The following CEP170B variants were observed in gnomAD, a reference collection of about 807,000 sequenced individuals.
CEP170B encodes centrosomal protein 170B, also known as centrosomal protein of 170 kDa protein B.
CEP170B carries 55 observed loss-of-function variants against 120.6 expected under a neutral mutation model. The ratio of observed to expected loss-of-function variants is 0.46; its 90% CI spans 0.37 to 0.57. The LOEUF (loss-of-function observed/expected upper bound fraction) is 0.57. CEP170B is among the 20% of genes least tolerant of loss of function. The probability of loss-of-function intolerance (pLI) is 0.00; values close to 1 mark genes in which losing one functional copy is unlikely to be tolerated. For synonymous variants in CEP170B, 1,033 were observed against 954.5 expected (o/e 1.08, Z -1.52); for missense variants, 2,212 against 2,253.3 (o/e 0.98, Z 0.37).
intron 12 of CEP170B, 91 bp downstream of exon 12, chr14:104,888,069 G>C: frequency 7.4e-7 from 1 of 1,353,656 alleles, no homozygotes; most frequent in Non-Finnish European, 9.7e-7. Context: ...GCTGGCCGTG[G>C]GCCCCTGGTC....
chr14:104,886,895 A>G lies in CEP170B; in HGVS notation c.2656A>G (p.Ile886Val), dbSNP rs373327078. Residue 886 changes from isoleucine (I) to valine (V), a missense_variant, in exon 12 of 19, where the codon ATC becomes GTC. Transcript: ENST00000414716. ...GPPAPGKPPH[I>V]SSHPLLQDLA... ...CCCAGCGCCCGGCAAGCCCCCCCAC[A>G]TCTCCAGCCACCCGCTTCTACAGGA... 102 of 1,610,024 alleles carry G rather than the reference A, an allele frequency of 6.3e-5. No individual in the cohort carries two copies. The highest frequency in any genetic ancestry group is 5.5e-4 in the Admixed American group (33 of 59,984).
At position 104,891,798 on chromosome 14, in the gene CEP170B, C is replaced by T. The variant is rs755804787; in HGVS notation, c.3879-1178C>T. Among the ~76,000 whole-genome samples the T allele has an allele frequency of 1.3e-5, 2 of 151,356 alleles. No individual in the cohort carries two copies. The highest frequency in any genetic ancestry group is 2.4e-5 in the African/African-American group (1 of 41,126). On this transcript the variant is annotated intron_variant, in intron 13 of 18. Transcript: ENST00000414716. This position sits in a 1 kb window ranked among gnomAD's most constrained non-coding sequence, Gnocchi z 4.3. The stretch of plus-strand genomic sequence containing the variant: ...GGGCAGGAGGCCAGGGAGTGCTGGG[C>T]GGGGGCCTGAGGGCCAGGGGCATGT...
chr14:104,886,936 G>C lies in CEP170B; in HGVS notation c.2697G>C (p.Arg899=), dbSNP rs993489785. Reference sequence around the variant, plus strand: ...TTCTACAGGACCTGGCCGCTACCCGGGCCGCACGCATGGACTTCCACTCCC... The same window carrying C: ...TTCTACAGGACCTGGCCGCTACCCGCGCCGCACGCATGGACTTCCACTCCC... ...HPLLQDLAAT[R]AARMDFHSQD... is the part of the protein sequence containing the mutation. Residue 899 remains arginine (R), a synonymous_variant, in exon 12 of 19, where the codon CGG becomes CGC. Transcript: ENST00000414716. 2.5e-6 allele frequency: 4 copies of C among 1,608,938 alleles called. No individual in the cohort carries two copies. The highest frequency in any genetic ancestry group is 3.4e-6 in the Non-Finnish European group (4 of 1,179,802).
At chr14:104,865,187 T>G (rs1453152214), upstream of CEP170B, 41 of 72,314 alleles carry the variant, frequency 5.7e-4, no homozygotes, top group African/African-American at 2.0e-3. This position sits in a 1 kb window ranked among gnomAD's most constrained non-coding sequence, Gnocchi z 6.7. Flanking sequence ...CGGCGCGGGG[T>G]GCGGCGCGGC....
Position 104,886,876 on chromosome 14 carries a change from G to A in CEP170B, c.2637G>A (p.Ala879=), listed in dbSNP as rs369204907. The A allele has an allele frequency of 4.5e-5, 73 of 1,610,322 alleles. No individual in the cohort carries two copies. Among genetic ancestry groups the A allele is most frequent in the Non-Finnish European group, 5.4e-5 (64 of 1,179,798 alleles). ...FTKEPASGPP[A]PGKPPHISSH... is the part of the protein sequence containing the mutation. The stretch of plus-strand genomic sequence containing the variant: ...AGGAGCCAGCCAGTGGTCCCCCAGC[G>A]CCCGGCAAGCCCCCCCACATCTCCA... Residue 879 remains alanine (A), a synonymous_variant, in exon 12 of 19, where the codon GCG becomes GCA. Coordinates refer to ENST00000414716, the MANE Select transcript of CEP170B (RefSeq NM_001112726.3).
chr14:104,874,749 A>C (rs1314035188), intron 2 of CEP170B, among the ~76,000 whole-genome samples: 142 of 29,880 alleles, frequency 4.8e-3, no homozygotes, highest in South Asian at 0.011. Context: ...CCCAACCCCC[A>C]CCCCCGGTCC....
chr14:104,889,424 A>T, intron 12 of CEP170B, 196 bp from the exon 13 acceptor site: 1 of 1,396,480 alleles, frequency 7.2e-7, no homozygotes, highest in Non-Finnish European at 9.5e-7. Context: ...TGCAGCACTG[A>T]GCCCTCTCCC....
chr14:104,889,418 G>A, intron 12 of CEP170B: 1 of 1,371,622 alleles, frequency 7.3e-7, no homozygotes, highest in Non-Finnish European at 9.7e-7. Context: ...CAGCCCTGCA[G>A]CACTGAGCCC....
At position 104,893,546 on chromosome 14, in the gene CEP170B, C is replaced by A; in HGVS notation, c.4062C>A (p.Ala1354=). 1 of 1,605,796 alleles carries A rather than the reference C, an allele frequency of 6.2e-7. No individual in the cohort carries two copies. Among genetic ancestry groups the A allele is most frequent in the Non-Finnish European group, 8.5e-7 (1 of 1,177,486 alleles). ...AGCTGGTGCAGCGCATCCCCGAGGCCAGCCTCAACTTCCAGAAGGTGCCGC... is the reference window on the plus strand; with the variant it reads ...AGCTGGTGCAGCGCATCCCCGAGGCAAGCCTCAACTTCCAGAAGGTGCCGC... ...REELVQRIPE[A]SLNFQKVPPG... is the part of the protein sequence containing the mutation. The change falls in exon 15 of 19, where the codon GCC becomes GCA. Residue 1354 remains alanine (A), a synonymous_variant. Coordinates refer to ENST00000414716, the MANE Select transcript of CEP170B (RefSeq NM_001112726.3).
intron 2 of CEP170B, among the ~76,000 whole-genome samples, chr14:104,869,395 C>T (rs1375485139): frequency 1.3e-5 from 2 of 152,180 alleles, no homozygotes; most frequent in East Asian, 1.9e-4. Context: ...CTGGATGCAA[C>T]GTGCTACTGC....
chr14:104,884,506 C>T lies in CEP170B; in HGVS notation c.1727C>T (p.Ala576Val), dbSNP rs1300014211. 16 of 1,564,500 alleles carry T rather than the reference C, an allele frequency of 1.0e-5. No individual in the cohort carries two copies. The highest frequency in any genetic ancestry group is 5.7e-5 in the Admixed American group (3 of 53,086). ...GGGACATACACCATCGAGACCGAGG[C>T]GCAGGACACGGAGGTGGAGGAGGCC... ...DAGTYTIETE[A>V]QDTEVEEARK... Residue 576 changes from alanine to valine, a missense_variant, in exon 9 of 19, where the codon GCG becomes GTG. By Grantham distance (64) the Ala-to-Val change is moderately conservative (BLOSUM62 0). Transcript: ENST00000414716.
At chr14:104,894,182 G>T in intron 16 of CEP170B, 103 bp from the exon 17 acceptor site, 2 of 933,626 alleles carry the variant, frequency 2.1e-6, no homozygotes, top group South Asian at 1.4e-5. Context: ...CAGGTGGGCT[G>T]GGATGAACTT....
intron 2 of CEP170B, among the ~76,000 whole-genome samples, chr14:104,872,385 T>TGG (rs1476782182): frequency 8.7e-6 from 1 of 114,906 alleles, no homozygotes; most frequent in South Asian, 3.5e-4. Flanking sequence ...TGGGTGTGCA[T>TGG]GTGTGCCGTG....
chr14:104,895,090 T>A lies in CEP170B; in HGVS notation c.*132T>A. The A allele has an allele frequency of 3.7e-6, 4 of 1,074,786 alleles. No homozygotes were observed. Among genetic ancestry groups the A allele is most frequent in the Non-Finnish European group, 5.2e-6 (4 of 773,792 alleles). The allele number at this position is 1,074,786 out of a possible 1,614,324, so 66.6% of individuals were successfully genotyped here. The stretch of plus-strand genomic sequence containing the variant: ...CATGTGCCATATCCCTGTGGGCGGG[T>A]GCCTCCCACGCCCTTGCCCCCTCGT... On this transcript the variant is annotated 3_prime_UTR_variant, in exon 19 of 19. Transcript: ENST00000414716.
Position 104,894,997 on chromosome 14 carries a change from C to G in CEP170B, c.*39C>G. 6.7e-7 allele frequency: 1 copy of G among 1,483,924 alleles called. No homozygotes were observed. Among genetic ancestry groups the G allele is most frequent in the African/African-American group, 1.4e-5 (1 of 71,342 alleles). 91.9% of individuals were successfully genotyped at this position (1,483,924 alleles called of 1,614,324 possible). On this transcript the variant is annotated 3_prime_UTR_variant, in exon 19 of 19. Coordinates refer to ENST00000414716, the MANE Select transcript of CEP170B (RefSeq NM_001112726.3). ...CCAGGCCAGCCTCCCTGTGCGTGTGCGTCTCTGCCTTCCGTCCGCCGCACA... is the reference window on the plus strand; with the variant it reads ...CCAGGCCAGCCTCCCTGTGCGTGTGGGTCTCTGCCTTCCGTCCGCCGCACA...
rs1274952311 is a variant in CEP170B, at chr14:104,884,582, GGGAAC to G, written c.1770+36_1770+40del. On this transcript the variant is annotated intron_variant, in intron 9 of 18. Transcript: ENST00000414716. ...CCAGCGGCGAGTGAGAGCCCTCGTG[GGGAAC>G]GGGGGGGTGGAGGCGATGCCGGGGG... 6 of 1,521,522 alleles carry G rather than the reference GGGAAC, an allele frequency of 3.9e-6. No individual in the cohort carries two copies. The East Asian group carries it at 1.5e-4, about 39-fold the overall frequency. The allele number at this position is 1,521,522 out of a possible 1,614,324, so 94.3% of individuals were successfully genotyped here. A position where few individuals can be genotyped will look rare whatever the true frequency, so the allele number is the denominator to read the frequency against.
At chr14:104,883,530 G>A (rs752731844) in intron 8 of CEP170B, 22 bp downstream of exon 8, 16 of 1,516,884 alleles carry the variant, frequency 1.1e-5, no homozygotes, top group Middle Eastern at 2.0e-4. Context: ...GCTGGCGGCC[G>A]TGCCAGTCCC....
Position 104,883,173 on chromosome 14 carries a change from C to A in CEP170B, c.716C>A (p.Pro239His). ...AAGGAGACCCCGCAGCCGTCGCAGC[C>A]CCCCGAGGTGCCGGCACACGAGATG... ...PTKETPQPSQ[P>H]PEVPAHEMPT... The change falls in exon 8 of 19, where the codon CCC becomes CAC. Residue 239 changes from proline to histidine, a missense_variant. Physicochemically the swap from Pro to His is moderately conservative, Grantham distance 77. Transcript: ENST00000414716. The A allele has an allele frequency of 1.2e-6, 2 of 1,600,188 alleles. No individual in the cohort carries two copies. Among genetic ancestry groups the A allele is most frequent in the South Asian group, 1.1e-5 (1 of 90,430 alleles).
chr14:104,880,328 T>C lies in CEP170B; in HGVS notation c.375T>C (p.Gly125=). ...YTSQLQVSVK[G]LAPKRSEALP... Reference sequence around the variant, plus strand: ...GCCAGCTGCAGGTGAGCGTGAAGGGTTTGGCGCCCAAGAGGAGCGAGGCAC... The same window carrying C: ...GCCAGCTGCAGGTGAGCGTGAAGGGCTTGGCGCCCAAGAGGAGCGAGGCAC... The change falls in exon 6 of 19, where the codon GGT becomes GGC. Residue 125 remains glycine (G), a synonymous_variant. Coordinates refer to ENST00000414716, the MANE Select transcript of CEP170B (RefSeq NM_001112726.3). 2 of 1,610,062 alleles carry C rather than the reference T, an allele frequency of 1.2e-6. No homozygotes were observed. The highest frequency in any genetic ancestry group is 1.7e-4 in the Middle Eastern group (1 of 6,054).
Sources: gnomAD v4.1 joint callset for allele counts (sites outside exome capture counted in the v4.1 genomes callset) on GRCh38, gnomAD v4.1.1 for gene constraint, Gnocchi (gnomAD v3.1) non-coding constraint, MANE v1.5 for transcripts, NCBI Gene and HGNC (gene_info 2026-07-23, HGNC 2026-07-21) for gene names.